The following ARHGAP26 variants were observed in gnomAD, a reference collection of about 807,000 sequenced individuals.
The protein encoded by ARHGAP26 is Rho GTPase activating protein 26.
In ARHGAP26, 38 loss-of-function variants were observed where a neutral mutation model predicts 104.8. That is an observed-to-expected ratio of 0.36 (90% CI 0.28 to 0.48). The LOEUF is 0.48. ARHGAP26 is among the 20% of genes least tolerant of loss of function. The pLI is 0.99. For synonymous variants in ARHGAP26, 341 were observed against 340.0 expected (o/e 1.00, Z -0.03); for missense variants, 704 against 947.9 (o/e 0.74, Z 3.38).
At chr5:142,791,072 T>C (rs1441693318) in intron 1 of ARHGAP26, among the ~76,000 whole-genome samples, 1 of 150,780 alleles carries the variant, frequency 6.6e-6, no homozygotes, top group East Asian at 1.9e-4. Flanking sequence ...AGGGTTTATT[T>C]TGCTTTAAAG....
chr5:143,093,885 C>A (rs1562410305), intron 17 of ARHGAP26, among the ~76,000 whole-genome samples: 1 of 152,210 alleles, frequency 6.6e-6, no homozygotes, highest in African/African-American at 2.4e-5. Flanking sequence ...GGATTTCTCA[C>A]CTCTTTTAGA....
chr5:142,856,481 C>T (rs1262257345), intron 1 of ARHGAP26, among the ~76,000 whole-genome samples: 1 of 152,138 alleles, frequency 6.6e-6, no homozygotes, highest in Non-Finnish European at 1.5e-5. Flanking sequence ...GGCAGAACCC[C>T]TAGGTTTTGG....
At chr5:142,971,060 A>G (rs1772192783) in intron 11 of ARHGAP26, among the ~76,000 whole-genome samples, 1 of 152,218 alleles carries the variant, frequency 6.6e-6, no homozygotes, top group African/African-American at 2.4e-5. Context: ...TTTGAGTTTA[A>G]GTAAATTTGA....
In ARHGAP26 at chr5:142,839,333, A is replaced by G. The variant is rs190499982; in HGVS notation, c.155-34067A>G. On this transcript the variant is annotated intron_variant, in intron 1 of 22. Transcript: ENST00000645722. ...CACTTTACAAGTGTTAGTTATAATA[A>G]CCCCATTTAATTGTTATAACAATCC... Among the ~76,000 whole-genome samples, 375 of 151,330 alleles carry G rather than the reference A, an allele frequency of 2.5e-3. 3 individuals carry two copies. The highest frequency in any genetic ancestry group is 8.6e-3 in the African/African-American group (355 of 41,236).
intron 20 of ARHGAP26, among the ~76,000 whole-genome samples, chr5:143,174,318 G>A (rs773675322): frequency 6.6e-6 from 1 of 152,190 alleles, no homozygotes; most frequent in Non-Finnish European, 1.5e-5. Context: ...CAATCTCCAG[G>A]AGATACTGTT....
chr5:142,954,337 AC>A (rs1261345172), intron 11 of ARHGAP26, among the ~76,000 whole-genome samples: 1 of 152,048 alleles, frequency 6.6e-6, no homozygotes, highest in African/African-American at 2.4e-5. Context: ...GCCTACATCT[AC>A]CCCTTTGGCT....
intron 1 of ARHGAP26, among the ~76,000 whole-genome samples, chr5:142,833,390 T>TA (rs1768915765): frequency 6.6e-6 from 1 of 152,166 alleles, no homozygotes. Context: ...AAATATTTTT[T>TA]AAAAAACATG....
chr5:143,151,335 A>C (rs1214858599), intron 20 of ARHGAP26, among the ~76,000 whole-genome samples: 1 of 152,246 alleles, frequency 6.6e-6, no homozygotes, highest in Non-Finnish European at 1.5e-5. Flanking sequence ...ATACAAAGTG[A>C]TACAGCCATT....
intron 17 of ARHGAP26, among the ~76,000 whole-genome samples, chr5:143,060,758 C>T (rs1786584193): frequency 6.6e-6 from 1 of 151,860 alleles, no homozygotes. Context: ...AGGCTCGCTG[C>T]CTGGGAATCT....
chr5:142,847,646 C>A (rs945417800), intron 1 of ARHGAP26, among the ~76,000 whole-genome samples: 2 of 152,192 alleles, frequency 1.3e-5, no homozygotes, highest in Admixed American at 6.5e-5. Flanking sequence ...CGTGAGCCAC[C>A]GTGCCCGGCC....
chr5:142,915,240 C>T (rs780857487), intron 10 of ARHGAP26, among the ~76,000 whole-genome samples: 1 of 152,104 alleles, frequency 6.6e-6, no homozygotes, highest in Non-Finnish European at 1.5e-5. Flanking sequence ...GTGTCACATT[C>T]AGCATACTGA....
chr5:142,770,811 A>C lies in ARHGAP26; in HGVS notation c.50A>C (p.His17Pro). 1 of 1,605,242 alleles carries C rather than the reference A, an allele frequency of 6.2e-7. No homozygotes were observed. Among genetic ancestry groups the C allele is most frequent in the Non-Finnish European group, 8.5e-7 (1 of 1,175,838 alleles). ...EFSDCCLDSP[H>P]FRETLKSHEA... Reference sequence around the variant, plus strand: ...AGCGACTGCTGCCTCGATAGTCCGCACTTCCGAGAGACGCTCAAGTCGCAC... The same window carrying C: ...AGCGACTGCTGCCTCGATAGTCCGCCCTTCCGAGAGACGCTCAAGTCGCAC... The change falls in exon 1 of 23, where the codon CAC becomes CCC. Residue 17 changes from histidine (H) to proline (P), a missense_variant. His to Pro is a moderately conservative substitution (Grantham distance 77, BLOSUM62 -2). Transcript: ENST00000645722.
At chr5:142,849,578 C>T (rs1226877597) in intron 1 of ARHGAP26, among the ~76,000 whole-genome samples, 1 of 152,110 alleles carries the variant, frequency 6.6e-6, no homozygotes, top group Non-Finnish European at 1.5e-5. Context: ...TCTCAAGGTT[C>T]CCTTCCTTGT....
chr5:143,041,335 T>C (rs1285528101), intron 13 of ARHGAP26, among the ~76,000 whole-genome samples: 1 of 152,242 alleles, frequency 6.6e-6, no homozygotes, highest in African/African-American at 2.4e-5. Flanking sequence ...TCTTCTAATT[T>C]CTCAGTCTTG....
chr5:143,057,873 A>G lies in ARHGAP26; in HGVS notation c.1538+126A>G, dbSNP rs898916636. 4 of 836,832 alleles carry G rather than the reference A, an allele frequency of 4.8e-6. No homozygotes were observed. The African/African-American group carries it at 6.7e-5, about 14-fold the overall frequency. The allele number at this position is 836,832 out of a possible 1,614,324, so 51.8% of individuals were successfully genotyped here. On this transcript the variant is annotated intron_variant, in intron 17 of 22. Transcript: ENST00000645722. Reference sequence around the variant, plus strand: ...ATTGCATCAGGTATGCTGGAGGCTTAGGAAAGAAATGTGTGAAATGTTCAT... The same window carrying G: ...ATTGCATCAGGTATGCTGGAGGCTTGGGAAAGAAATGTGTGAAATGTTCAT...
At chr5:142,965,769 C>T (rs746988620) in intron 11 of ARHGAP26, among the ~76,000 whole-genome samples, 3 of 152,134 alleles carry the variant, frequency 2.0e-5, no homozygotes, top group South Asian at 2.1e-4. Context: ...GGTGGCTTGC[C>T]GCCCACAGTA....
chr5:142,798,296 G>C (rs927581801), intron 1 of ARHGAP26, among the ~76,000 whole-genome samples: 1 of 152,128 alleles, frequency 6.6e-6, no homozygotes, highest in Non-Finnish European at 1.5e-5. Flanking sequence ...ATGCTCATGT[G>C]CCTCCTCTAT....
chr5:143,022,889 T>C (rs1405897529), intron 12 of ARHGAP26, among the ~76,000 whole-genome samples: 2 of 152,218 alleles, frequency 1.3e-5, no homozygotes, highest in Non-Finnish European at 2.9e-5. Flanking sequence ...ATCCTGTTCA[T>C]ATGTGGTCCA....
chr5:142,916,052 T>C (rs1003996659), intron 10 of ARHGAP26, among the ~76,000 whole-genome samples: 3 of 152,208 alleles, frequency 2.0e-5, no homozygotes, highest in African/African-American at 7.2e-5. Context: ...AATGCAAGTT[T>C]AGCACCTAGG....
Sources: allele counts gnomAD v4.1 joint callset (sites outside exome capture counted in the v4.1 genomes callset), GRCh38; gene constraint gnomAD v4.1.1; transcripts MANE v1.5; gene names NCBI Gene and HGNC (gene_info 2026-07-23, HGNC 2026-07-21).